The following JMJD1C variants were observed in gnomAD, a reference collection of about 807,000 sequenced individuals.
JMJD1C encodes jumonji domain-containing protein 1C.
Under a neutral mutation model 245.3 loss-of-function variants are expected in JMJD1C, and 31 were observed. The observed-to-expected ratio is 0.13, with a 90% CI of 0.09 to 0.17. The LOEUF is 0.17. Among genes scored for constraint, JMJD1C ranks in the 10% least tolerant of loss-of-function variants. The probability of loss-of-function intolerance (pLI) is 1.00; values close to 1 mark genes in which losing one functional copy is unlikely to be tolerated. For synonymous variants in JMJD1C, 1,057 were observed against 1,017.4 expected, an observed-to-expected ratio of 1.04 and a Z score of -0.74; for missense variants, 2,691 against 3,000.2, an observed-to-expected ratio of 0.90 and a Z score of 2.41.
intron 21 of JMJD1C, 51 bp downstream of exon 21, chr10:63,184,557 T>TA: frequency 6.5e-7 from 1 of 1,535,018 alleles, no homozygotes; most frequent in Non-Finnish European, 8.8e-7. Context: ...GCAAAAATTT[T>TA]AAAAAATCCA....
intron 2 of JMJD1C, among the ~76,000 whole-genome samples, chr10:63,370,525 G>A (rs577954787): frequency 1.3e-5 from 2 of 152,250 alleles, no homozygotes; most frequent in South Asian, 4.1e-4. Context: ...ATGCCACAAA[G>A]TCTATGTCCT....
intron 1 of JMJD1C, among the ~76,000 whole-genome samples, chr10:63,460,240 G>A (rs1564943495): frequency 6.6e-6 from 1 of 152,166 alleles, no homozygotes; most frequent in Non-Finnish European, 1.5e-5. Context: ...GTAAGGTCAG[G>A]TGTAGGTGGC....
chr10:63,458,914 A>AT (rs1467790571), intron 1 of JMJD1C, among the ~76,000 whole-genome samples: 2 of 151,820 alleles, frequency 1.3e-5, no homozygotes. Context: ...AGTAGACAGG[A>AT]TTTCACCATG....
At chr10:63,378,688 G>A (rs996528008) in intron 2 of JMJD1C, among the ~76,000 whole-genome samples, 10 of 152,050 alleles carry the variant, frequency 6.6e-5, no homozygotes, top group Non-Finnish European at 1.2e-4. Context: ...CTACTGCTTC[G>A]TGCTTTTGAG....
chr10:63,290,624 C>CA (rs1204408108), intron 2 of JMJD1C, among the ~76,000 whole-genome samples: 11 of 152,116 alleles, frequency 7.2e-5, no homozygotes, highest in African/African-American at 2.2e-4. Flanking sequence ...GGAAAAGCTA[C>CA]ACTGGCAAGA....
chr10:63,507,346 TAA>T (rs1954749000), intron 1 of JMJD1C, among the ~76,000 whole-genome samples: 1 of 152,078 alleles, frequency 6.6e-6, no homozygotes, highest in Non-Finnish European at 1.5e-5. Context: ...AAACCGTCTT[TAA>T]AAGTGGCTGT....
chr10:63,509,604 G>C (rs959594241), intron 1 of JMJD1C, among the ~76,000 whole-genome samples: 5 of 152,148 alleles, frequency 3.3e-5, no homozygotes, highest in African/African-American at 1.2e-4. Flanking sequence ...GGCCTATTCA[G>C]ATTGTCTATT....
intron 1 of JMJD1C, among the ~76,000 whole-genome samples, chr10:63,472,072 A>G (rs1953507903): frequency 6.6e-6 from 1 of 152,122 alleles, no homozygotes; most frequent in South Asian, 2.1e-4. Context: ...ACAGTCTATC[A>G]AAACTAACTT....
upstream of JMJD1C, among the ~76,000 whole-genome samples, chr10:63,469,583 TTATC>T (rs1953424251): frequency 1.3e-5 from 2 of 152,186 alleles, no homozygotes; most frequent in South Asian, 4.1e-4. Flanking sequence ...GATAGGACCT[TTATC>T]CTTGAGAAGC....
intron 2 of JMJD1C, among the ~76,000 whole-genome samples, chr10:63,316,229 T>C (rs558872172): frequency 1.3e-5 from 2 of 152,346 alleles, no homozygotes; most frequent in South Asian, 4.1e-4. Flanking sequence ...AAACATGTCA[T>C]TCCACTGCAT....
intron 2 of JMJD1C, among the ~76,000 whole-genome samples, chr10:63,365,927 C>T (rs1053546620): frequency 1.3e-5 from 2 of 152,094 alleles, no homozygotes; most frequent in East Asian, 3.9e-4. Flanking sequence ...TGTTTTTGTT[C>T]GTCTGGGGGC....
intron 1 of JMJD1C, among the ~76,000 whole-genome samples, chr10:63,431,047 A>G (rs1398591380): frequency 6.6e-6 from 1 of 152,182 alleles, no homozygotes; most frequent in Admixed American, 6.5e-5. Flanking sequence ...AAAAAGTGAC[A>G]ATGGCTTAAC....
chr10:63,283,906 A>C (rs1857681416), intron 2 of JMJD1C, among the ~76,000 whole-genome samples: 1 of 152,216 alleles, frequency 6.6e-6, no homozygotes, highest in Non-Finnish European at 1.5e-5. Context: ...CAATAAGAAA[A>C]GCAAAATGCT....
chr10:63,186,422 TA>T (rs1844128971), intron 18 of JMJD1C, 39 bp from the exon 19 acceptor site: 2 of 1,469,210 alleles, frequency 1.4e-6, no homozygotes, highest in South Asian at 2.5e-5. Context: ...AAAAGATATA[TA>T]GACTTTCTTT....
chr10:63,203,817 G>A (rs1846296918), intron 10 of JMJD1C: 15 of 959,156 alleles, frequency 1.6e-5, no homozygotes, highest in Non-Finnish European at 1.9e-5. Context: ...GTATAACGGT[G>A]TATGTAATCA....
chr10:63,177,619 TA>T, intron 23 of JMJD1C, 97 bp downstream of exon 23: 1 of 1,270,064 alleles, frequency 7.9e-7, no homozygotes, highest in Non-Finnish European at 1.1e-6. Context: ...AAAAATTATG[TA>T]ATGGTCTTAT....
intron 2 of JMJD1C, among the ~76,000 whole-genome samples, chr10:63,379,864 T>C (rs1380989741): frequency 6.6e-6 from 1 of 152,198 alleles, no homozygotes; most frequent in African/African-American, 2.4e-5. Context: ...TCAGAGACTC[T>C]TCAAAAATAT....
intron 1 of JMJD1C, among the ~76,000 whole-genome samples, chr10:63,443,311 T>C (rs1951503163): frequency 1.3e-5 from 2 of 152,072 alleles, no homozygotes; most frequent in African/African-American, 2.4e-5. Flanking sequence ...TTTTGTTTTG[T>C]TTTGCTTTTT....
intron 18 of JMJD1C, among the ~76,000 whole-genome samples, chr10:63,187,449 T>G (rs1589091715): frequency 6.6e-6 from 1 of 152,204 alleles, no homozygotes; most frequent in Non-Finnish European, 1.5e-5. Flanking sequence ...TCTTTTTACT[T>G]TTTTTGGAGA....
Sources: gnomAD v4.1 joint callset for allele counts (sites outside exome capture counted in the v4.1 genomes callset) on GRCh38, gnomAD v4.1.1 for gene constraint, MANE v1.5 for transcripts, NCBI Gene and HGNC (gene_info 2026-07-23, HGNC 2026-07-21) for gene names.